Variants in FMN1 observed in about 807,000 individuals in gnomAD.
FMN1 encodes formin-1.
In FMN1, 110 loss-of-function variants were observed where a neutral mutation model predicts 132.4. The ratio of observed to expected loss-of-function variants is 0.83; its 90% CI spans 0.71 to 0.97. The LOEUF (loss-of-function observed/expected upper bound fraction) is 0.97, where lower values mean the gene tolerates loss of function less well. Ranked by LOEUF, FMN1 falls within the 50% of genes least tolerant of loss-of-function variation. FMN1 has a pLI of 0.00. For synonymous variants in FMN1, 722 were observed against 651.7 expected, an observed-to-expected ratio of 1.11 and a Z score of -1.64; for missense variants, 1,792 against 1,705.3, an observed-to-expected ratio of 1.05 and a Z score of -0.90.
chr15:33,036,800 C>T, intron 6 of FMN1, among the ~76,000 whole-genome samples: 1 of 152,200 alleles, frequency 6.6e-6, no homozygotes. Flanking sequence ...TTCAGTATTG[C>T]TTGTATTATC....
chr15:32,818,462 T>C (rs2141087009), intron 17 of FMN1, among the ~76,000 whole-genome samples: 3 of 152,330 alleles, frequency 2.0e-5, no homozygotes, highest in East Asian at 1.9e-4. Context: ...TATTAAAATA[T>C]TACCAAATAG....
chr15:32,865,851 A>T lies in FMN1; in HGVS notation c.3836-8744T>A, dbSNP rs150817628. ...AACTCCACCTCAAAAAAAAAAAAAAAAATAAAATAAAATAAAATACCTACT... is the reference window on the plus strand; with the variant it reads ...AACTCCACCTCAAAAAAAAAAAAAATAATAAAATAAAATAAAATACCTACT... On this transcript the variant is annotated intron_variant, in intron 16 of 20. Transcript: ENST00000616417. 7.0e-3 allele frequency among the ~76,000 whole-genome samples: 275 copies of T among 39,562 alleles called. 5 individuals carry two copies. The highest frequency in any genetic ancestry group is 0.033 in the East Asian group (90 of 2,696). The allele number at this position is 39,562 out of a possible 152,430, so 26.0% of individuals were successfully genotyped here.
chr15:33,119,485 T>G (rs936802076), intron 4 of FMN1, among the ~76,000 whole-genome samples: 2 of 152,204 alleles, frequency 1.3e-5, no homozygotes, highest in African/African-American at 2.4e-5. Context: ...GAGGAGACTC[T>G]GCCAAGCATT....
chr15:33,142,614 G>T (rs1289275383), intron 4 of FMN1, among the ~76,000 whole-genome samples: 1 of 152,126 alleles, frequency 6.6e-6, no homozygotes, highest in African/African-American at 2.4e-5. Context: ...TTAATAGCAG[G>T]AATTTTTTCA....
At chr15:32,905,293 G>GTTA (rs1313619987) in intron 12 of FMN1, among the ~76,000 whole-genome samples, 1 of 152,172 alleles carries the variant, frequency 6.6e-6, no homozygotes, top group Non-Finnish European at 1.5e-5. Context: ...TATCACCTAA[G>GTTA]GTGTATGTGC....
chr15:32,996,562 C>T (rs1450487580), intron 7 of FMN1, among the ~76,000 whole-genome samples: 1 of 152,070 alleles, frequency 6.6e-6, no homozygotes. Context: ...GGTAAGAGGG[C>T]CACCTCATAA....
intron 19 of FMN1, among the ~76,000 whole-genome samples, chr15:32,778,889 T>C (rs1437037421): frequency 6.6e-6 from 1 of 152,116 alleles, no homozygotes; most frequent in African/African-American, 2.4e-5. Context: ...AACCACTATT[T>C]ATAGTAATCA....
At position 32,969,336 on chromosome 15, in the gene FMN1, T is replaced by C. The variant is rs2031571904; in HGVS notation, c.2365A>G (p.Ile789Val). The C allele has an allele frequency of 6.2e-7, 1 of 1,613,972 alleles. No individual in the cohort carries two copies. Among genetic ancestry groups the C allele is most frequent in the Non-Finnish European group, 8.5e-7 (1 of 1,179,872 alleles). ...GGCEERKDVC[I>V]STDDDCPPKT... ...GGAGGGCAGTCATCATCGGTGGAAA[T>C]GCACACATCTTTCCTCTCTTCACAA... Residue 789 changes from isoleucine to valine, a missense_variant, in exon 8 of 21, where the codon ATT becomes GTT. Physicochemically the swap from Ile to Val is conservative, Grantham distance 29. Around this residue, in one of 3 missense-constraint regions of FMN1, gnomAD observed 1,150 missense variants for 1,043.1 expected, o/e 1.10. Coordinates refer to ENST00000616417, the MANE Select transcript of FMN1 (RefSeq NM_001277313.2).
chr15:32,946,700 T>C (rs1375274533), intron 9 of FMN1, among the ~76,000 whole-genome samples: 7 of 151,998 alleles, frequency 4.6e-5, no homozygotes, highest in Non-Finnish European at 8.8e-5. Context: ...AAACAGAAAA[T>C]GTGAAGTTGG....
intron 16 of FMN1, among the ~76,000 whole-genome samples, chr15:32,879,811 T>C (rs1461593107): frequency 1.3e-5 from 2 of 152,188 alleles, no homozygotes; most frequent in East Asian, 1.9e-4. Context: ...GCCTCTGTCA[T>C]TGAAACTTAA....
intron 15 of FMN1, among the ~76,000 whole-genome samples, chr15:32,889,096 C>T (rs1001550128): frequency 6.6e-6 from 1 of 152,120 alleles, no homozygotes; most frequent in African/African-American, 2.4e-5. Context: ...CTCAAGCGAT[C>T]CTCCAGCCTT....
At chr15:32,941,766 A>G (rs1407142375) in intron 9 of FMN1, among the ~76,000 whole-genome samples, 1 of 152,188 alleles carries the variant, frequency 6.6e-6, no homozygotes, top group Non-Finnish European at 1.5e-5. Flanking sequence ...GAAGGTAGGA[A>G]ACAGCTGGTC....
chr15:32,930,478 G>A (rs2061085054), intron 9 of FMN1, among the ~76,000 whole-genome samples: 1 of 151,102 alleles, frequency 6.6e-6, no homozygotes, highest in South Asian at 2.1e-4. Context: ...ATTTTGAATT[G>A]CATTTCCCTG....
At chr15:33,157,424 T>C (rs1269084201) in intron 3 of FMN1, among the ~76,000 whole-genome samples, 1 of 152,186 alleles carries the variant, frequency 6.6e-6, no homozygotes, top group Non-Finnish European at 1.5e-5. Context: ...ATGGAATCAG[T>C]ACATCTCCAT....
chr15:32,864,705 T>C (rs987569406), intron 16 of FMN1, among the ~76,000 whole-genome samples: 1 of 152,224 alleles, frequency 6.6e-6, no homozygotes, highest in Non-Finnish European at 1.5e-5. Flanking sequence ...GCTACATACA[T>C]GGACTTAGAC....
At chr15:33,152,182 C>A (rs1251220133) in intron 4 of FMN1, among the ~76,000 whole-genome samples, 1 of 152,178 alleles carries the variant, frequency 6.6e-6, no homozygotes, top group Non-Finnish European at 1.5e-5. Flanking sequence ...GAGATTCTGG[C>A]CACAACAGCC....
chr15:32,999,676 T>A (rs1015267548), intron 7 of FMN1, among the ~76,000 whole-genome samples: 1 of 152,186 alleles, frequency 6.6e-6, no homozygotes, highest in African/African-American at 2.4e-5. Flanking sequence ...AAGATTCCCG[T>A]AAAGGAAATG....
At chr15:33,018,100 C>A (rs1169100207) in intron 6 of FMN1, among the ~76,000 whole-genome samples, 1 of 151,632 alleles carries the variant, frequency 6.6e-6, no homozygotes, top group African/African-American at 2.4e-5. Flanking sequence ...ATGTTAAAAT[C>A]CTACCCCCTT....
chr15:32,900,860 A>G (rs941788132), intron 13 of FMN1, among the ~76,000 whole-genome samples: 3 of 152,058 alleles, frequency 2.0e-5, no homozygotes, highest in African/African-American at 4.8e-5. Flanking sequence ...ATTTCAGGGT[A>G]AAAAAAGTAA....
Sources: gnomAD v4.1 joint callset for allele counts (sites outside exome capture counted in the v4.1 genomes callset) on GRCh38, gnomAD v4.1.1 for gene constraint, gnomAD v4.1.1 regional missense constraint, MANE v1.5 for transcripts, NCBI Gene and HGNC (gene_info 2026-07-23, HGNC 2026-07-21) for gene names.